The following SLAMF9 variants were observed in gnomAD, a reference collection of about 807,000 sequenced individuals.
The protein encoded by SLAMF9 is SLAM family member 9, also known as CD2 family member 10.
A neutral mutation model predicts 30.4 loss-of-function variants in SLAMF9; 25 were observed. The ratio of observed to expected loss-of-function variants is 0.82; its 90% CI spans 0.60 to 1.15. SLAMF9 has a LOEUF of 1.15. Ranked by LOEUF, SLAMF9 falls within the 50% of genes most tolerant of loss-of-function variation. The pLI, the probability that SLAMF9 is intolerant of heterozygous loss-of-function variation, is 0.00. For synonymous variants in SLAMF9, 129 were observed against 127.2 expected (o/e 1.01, Z -0.09); for missense variants, 344 against 346.1 (o/e 0.99, Z 0.05).
the SLAMF9 span, among the ~76,000 whole-genome samples, chr1:159,975,981 T>C: frequency 6.6e-6 from 1 of 152,178 alleles, no homozygotes; most frequent in Non-Finnish European, 1.5e-5. Context: ...TCAGGATCTG[T>C]TCTGGGCTGG....
chr1:159,973,073 C>T, the SLAMF9 span: 7 of 1,478,452 alleles, frequency 4.7e-6, no homozygotes, highest in African/African-American at 5.8e-5. Flanking sequence ...ACCAGTAAAG[C>T]CCAGAGTCTC....
the SLAMF9 span, among the ~76,000 whole-genome samples, chr1:159,967,456 T>C: frequency 2.0e-5 from 3 of 152,222 alleles, no homozygotes; most frequent in Non-Finnish European, 4.4e-5. Flanking sequence ...TTTATTTCTG[T>C]TCCATTGGTT....
At chr1:159,979,861 T>C in the SLAMF9 span, among the ~76,000 whole-genome samples, 95,888 of 152,004 alleles carry the variant, frequency 0.63, 33,848 homozygotes, top group East Asian at 0.97. Context: ...GCCCATCCTG[T>C]TGGAGGTCTC....
At position 159,953,297 on chromosome 1, in the gene SLAMF9, G is replaced by A. The variant is rs1258766400; in HGVS notation, c.391+12C>T. 2 of 1,587,032 alleles carry A rather than the reference G, an allele frequency of 1.3e-6. No individual in the cohort carries two copies. Among genetic ancestry groups the A allele is most frequent in the Admixed American group, 1.7e-5 (1 of 59,360 alleles). On this transcript the variant is annotated intron_variant, in intron 2 of 3. Transcript: ENST00000368093. ...CCCAAAACCAGCTTTATGGTTCCCAGCCTAAACTCACGGTAGACACATATA... is the reference window on the plus strand; with the variant it reads ...CCCAAAACCAGCTTTATGGTTCCCAACCTAAACTCACGGTAGACACATATA...
At chr1:159,973,341 G>A in the SLAMF9 span, 10 of 577,690 alleles carry the variant, frequency 1.7e-5, no homozygotes, top group Admixed American at 3.0e-5. Flanking sequence ...GCCCCAGGAG[G>A]CTGAGGCCTG....
chr1:159,958,714 C>T (rs1651981795), upstream of SLAMF9, among the ~76,000 whole-genome samples: 1 of 152,160 alleles, frequency 6.6e-6, no homozygotes, highest in African/African-American at 2.4e-5. Context: ...ATCCTCCTGC[C>T]TCAGCTACCC....
the SLAMF9 span, among the ~76,000 whole-genome samples, chr1:159,975,189 A>T: frequency 4.6e-5 from 7 of 152,220 alleles, no homozygotes; most frequent in African/African-American, 1.7e-4. Context: ...TTATTCATTC[A>T]TCAATCATTT....
chr1:159,962,609 T>C, the SLAMF9 span, among the ~76,000 whole-genome samples: 1 of 151,886 alleles, frequency 6.6e-6, no homozygotes, highest in Non-Finnish European at 1.5e-5. Context: ...GATTACAAGA[T>C]GGGCCTCGGC....
At chr1:159,962,647 G>T in the SLAMF9 span, among the ~76,000 whole-genome samples, 1 of 152,180 alleles carries the variant, frequency 6.6e-6, no homozygotes, top group Non-Finnish European at 1.5e-5. Flanking sequence ...GGGCAGAGAT[G>T]CAGATAGGTT....
chr1:159,974,119 C>T, the SLAMF9 span: 2,233 of 1,304,920 alleles, frequency 1.7e-3, 7 homozygotes, highest in African/African-American at 6.6e-3. Context: ...TCAGTCACTT[C>T]TCTCCCTCTG....
upstream of SLAMF9, among the ~76,000 whole-genome samples, chr1:159,957,173 GAGT>G (rs1571231633): frequency 6.8e-6 from 1 of 146,256 alleles, no homozygotes; most frequent in Non-Finnish European, 1.5e-5. Flanking sequence ...TACAAGTAGA[GAGT>G]AGAGTGGTGG....
At chr1:159,968,867 A>G in the SLAMF9 span, among the ~76,000 whole-genome samples, 3 of 152,182 alleles carry the variant, frequency 2.0e-5, no homozygotes, top group African/African-American at 7.2e-5. Flanking sequence ...CCTGGCCAAC[A>G]TGGTGAAACC....
At chr1:159,962,052 G>A in the SLAMF9 span, among the ~76,000 whole-genome samples, 5 of 152,094 alleles carry the variant, frequency 3.3e-5, no homozygotes, top group African/African-American at 1.2e-4. Flanking sequence ...CAGGTACCTG[G>A]GAGGCTGAGG....
chr1:159,971,545 C>T, the SLAMF9 span, among the ~76,000 whole-genome samples: 3 of 152,112 alleles, frequency 2.0e-5, no homozygotes, highest in Non-Finnish European at 2.9e-5. Flanking sequence ...TGAGCTGGTA[C>T]CCTGGGTTGG....
At chr1:159,973,820 C>T in the SLAMF9 span, 1 of 1,613,774 alleles carries the variant, frequency 6.2e-7, no homozygotes, top group South Asian at 1.1e-5. Context: ...CCATGGCAGT[C>T]TCTGAAGTTT....
At chr1:159,973,954 C>T in the SLAMF9 span, 1 of 1,611,342 alleles carries the variant, frequency 6.2e-7, no homozygotes, top group Non-Finnish European at 8.5e-7. Context: ...AATTTTCCAT[C>T]TCTGTAGAAC....
At chr1:159,966,870 A>G in the SLAMF9 span, among the ~76,000 whole-genome samples, 1 of 152,132 alleles carries the variant, frequency 6.6e-6, no homozygotes, top group Non-Finnish European at 1.5e-5. Context: ...TTAACTCCTT[A>G]TCAGATGTAT....
upstream of SLAMF9, among the ~76,000 whole-genome samples, chr1:159,956,184 G>A (rs1052905720): frequency 2.6e-5 from 4 of 152,222 alleles, no homozygotes; most frequent in African/African-American, 9.6e-5. Flanking sequence ...CAAAGAAGGA[G>A]GCTGGGCAAG....
chr1:159,953,574 C>A lies in SLAMF9; in HGVS notation c.126G>T (p.Leu42=), dbSNP rs779379988. ...CAACCTCTTCATCTGGTGGTATTTC[C>A]AGGGGGAGGCTGATGGACTCCTGAA... ...AVLQESISLP[L]EIPPDEEVEN... Residue 42 remains leucine, a synonymous_variant, in exon 2 of 4, where the codon CTG becomes CTT. Coordinates refer to ENST00000368093, the MANE Select transcript of SLAMF9 (RefSeq NM_033438.4). The A allele has an allele frequency of 2.5e-6, 4 of 1,614,098 alleles. No individual in the cohort carries two copies. Among genetic ancestry groups the A allele is most frequent in the Non-Finnish European group, 3.4e-6 (4 of 1,179,970 alleles).
Sources: allele counts gnomAD v4.1 joint callset (sites outside exome capture counted in the v4.1 genomes callset), GRCh38; gene constraint gnomAD v4.1.1; transcripts MANE v1.5; gene names NCBI Gene and HGNC (gene_info 2026-07-23, HGNC 2026-07-21).